The following AXDND1 variants were observed in gnomAD, a reference collection of about 807,000 sequenced individuals.
AXDND1 encodes axonemal dynein light chain domain containing 1.
Under a neutral mutation model 137.5 loss-of-function variants are expected in AXDND1, and 110 were observed. The observed-to-expected ratio is 0.80, with a 90% CI of 0.69 to 0.94. The LOEUF (loss-of-function observed/expected upper bound fraction) is 0.94, where lower values mean the gene tolerates loss of function less well. Among genes scored for constraint, AXDND1 ranks in the 40% least tolerant of loss-of-function variants. The pLI is 0.00. For synonymous variants in AXDND1, 414 were observed against 399.7 expected, an observed-to-expected ratio of 1.04 and a Z score of -0.43; for missense variants, 1,191 against 1,169.8, an observed-to-expected ratio of 1.02 and a Z score of -0.26.
intron 17 of AXDND1, among the ~76,000 whole-genome samples, chr1:179,480,998 T>A (rs1665303642): frequency 6.6e-6 from 1 of 151,488 alleles, no homozygotes; most frequent in Admixed American, 6.6e-5. Context: ...ATTTTTTTAA[T>A]TATACTTTAA....
chr1:179,516,582 G>C (rs1669560774), intron 21 of AXDND1, among the ~76,000 whole-genome samples: 1 of 152,184 alleles, frequency 6.6e-6, no homozygotes, highest in East Asian at 1.9e-4. Context: ...ATTTGGGTAG[G>C]CTCTGTCAGA....
intron 13 of AXDND1, among the ~76,000 whole-genome samples, 192 bp downstream of exon 13, chr1:179,429,811 G>A (rs1025814433): frequency 1.1e-4 from 17 of 151,466 alleles, no homozygotes; most frequent in Middle Eastern, 3.2e-3. Context: ...TCTAATTAAA[G>A]CAATTTATTT....
At chr1:179,412,295 C>T (rs916510940) in intron 12 of AXDND1, among the ~76,000 whole-genome samples, 7 of 152,110 alleles carry the variant, frequency 4.6e-5, no homozygotes, top group African/African-American at 1.4e-4. Flanking sequence ...TGTTGGTTGC[C>T]TATTCTGACA....
chr1:179,377,599 A>C (rs1647489382), intron 4 of AXDND1, among the ~76,000 whole-genome samples: 1 of 152,044 alleles, frequency 6.6e-6, no homozygotes, highest in African/African-American at 2.4e-5. Context: ...ACTTTTCTGT[A>C]TTTTGTTTTA....
chr1:179,504,818 G>A (rs536589364), intron 20 of AXDND1, among the ~76,000 whole-genome samples: 1 of 152,152 alleles, frequency 6.6e-6, no homozygotes, highest in Non-Finnish European at 1.5e-5. Context: ...AACTGGGGGA[G>A]TCTTATCAGA....
At chr1:179,439,544 G>A (rs1658681671) in intron 15 of AXDND1, among the ~76,000 whole-genome samples, 1 of 152,166 alleles carries the variant, frequency 6.6e-6, no homozygotes, top group African/African-American at 2.4e-5. Context: ...ACTGCTGGGG[G>A]ATTGGGAACA....
rs1369301638 is a variant in AXDND1, at chr1:179,378,701, C to A, written c.439C>A (p.Pro147Thr). Reference protein sequence around the residue: ...KGQTREKAVCPPHLARSLQSH... With the variant: ...KGQTREKAVCTPHLARSLQSH... ...ACAGACTAGGGAGAAGGCAGTTTGTCCCCCACATTTGGCCCGTTCATTACA... is the reference window on the plus strand; with the variant it reads ...ACAGACTAGGGAGAAGGCAGTTTGTACCCCACATTTGGCCCGTTCATTACA... Residue 147 changes from proline to threonine, a missense_variant, in exon 5 of 26, where the codon CCC becomes ACC. Transcript: ENST00000367618. 5 of 1,597,334 alleles carry A rather than the reference C, an allele frequency of 3.1e-6. No homozygotes were observed. The highest frequency in any genetic ancestry group is 3.4e-5 in the Admixed American group (2 of 59,144).
chr1:179,504,275 T>C (rs1371975095), intron 20 of AXDND1, among the ~76,000 whole-genome samples: 16 of 152,186 alleles, frequency 1.1e-4, no homozygotes, highest in Admixed American at 1.0e-3. Context: ...ACTATACATC[T>C]AGAAATGTGT....
chr1:179,492,845 C>T lies in AXDND1; in HGVS notation c.2292-10C>T. ...TCTTTTTCTTTTTCTTTTTTTCCCCCTTTTTGCAGTTGTTGCAAAGGGATG... is the reference window on the plus strand; with the variant it reads ...TCTTTTTCTTTTTCTTTTTTTCCCCTTTTTTGCAGTTGTTGCAAAGGGATG... On this transcript the variant is annotated splice_polypyrimidine_tract_variant and intron_variant, in intron 19 of 25. Coordinates refer to ENST00000367618, the MANE Select transcript of AXDND1 (RefSeq NM_144696.6). 6.4e-7 allele frequency: 1 copy of T among 1,574,446 alleles called. No individual in the cohort carries two copies. Among genetic ancestry groups the T allele is most frequent in the Non-Finnish European group, 8.6e-7 (1 of 1,159,904 alleles).
At chr1:179,442,483 A>G (rs1571853476) in intron 15 of AXDND1, among the ~76,000 whole-genome samples, 1 of 152,204 alleles carries the variant, frequency 6.6e-6, no homozygotes, top group African/African-American at 2.4e-5. Flanking sequence ...TGTGGAAACC[A>G]TGGGTTATGC....
At chr1:179,459,789 TTC>T (rs1031903891) in intron 16 of AXDND1, among the ~76,000 whole-genome samples, 15 of 150,250 alleles carry the variant, frequency 1.0e-4, no homozygotes, top group African/African-American at 2.4e-4. Flanking sequence ...TTTATTTTCT[TTC>T]TCTCTCTCTT....
intron 19 of AXDND1, among the ~76,000 whole-genome samples, 159 bp from the exon 20 acceptor site, chr1:179,492,696 A>T (rs1249475990): frequency 6.6e-6 from 1 of 152,330 alleles, no homozygotes; most frequent in Non-Finnish European, 1.5e-5. Context: ...GAGACAAATT[A>T]TTCTCCTTGG....
At chr1:179,536,302 G>A (rs576787549) in intron 25 of AXDND1, among the ~76,000 whole-genome samples, 42 of 152,272 alleles carry the variant, frequency 2.8e-4, no homozygotes, top group African/African-American at 9.4e-4. Flanking sequence ...TATGTCCTGA[G>A]TGGTATTGCC....
At chr1:179,472,061 A>C (rs1019573770) in intron 17 of AXDND1, among the ~76,000 whole-genome samples, 1 of 151,742 alleles carries the variant, frequency 6.6e-6, no homozygotes, top group African/African-American at 2.4e-5. Context: ...CGCCTGGCTA[A>C]TTTTTTTGTA....
At chr1:179,473,942 G>A (rs1464807090) in intron 17 of AXDND1, among the ~76,000 whole-genome samples, 1 of 152,102 alleles carries the variant, frequency 6.6e-6, no homozygotes, top group Non-Finnish European at 1.5e-5. Context: ...ACCTAGTCTT[G>A]GCTGGGTGTG....
intron 25 of AXDND1, among the ~76,000 whole-genome samples, chr1:179,536,186 C>G (rs1671540173): frequency 6.6e-6 from 1 of 152,128 alleles, no homozygotes; most frequent in African/African-American, 2.4e-5. Flanking sequence ...CTGATAGTTT[C>G]TTTTGCTGTG....
chr1:179,381,430 GC>G (rs1648293327), intron 6 of AXDND1, among the ~76,000 whole-genome samples: 2 of 146,410 alleles, frequency 1.4e-5, no homozygotes, highest in African/African-American at 5.1e-5. Flanking sequence ...TGCAACCTCC[GC>G]CCCTTGGGTT....
chr1:179,504,071 G>C (rs887707068), intron 20 of AXDND1, among the ~76,000 whole-genome samples: 3 of 152,112 alleles, frequency 2.0e-5, no homozygotes, highest in Non-Finnish European at 4.4e-5. Context: ...AAAACACCAT[G>C]AACATTTAGG....
intron 4 of AXDND1, among the ~76,000 whole-genome samples, chr1:179,375,181 C>T (rs924760457): frequency 5.9e-5 from 9 of 151,956 alleles, no homozygotes; most frequent in African/African-American, 2.2e-4. Context: ...TCACTGCAAC[C>T]TCTGCCTCCC....
Sources: gnomAD v4.1 joint callset for allele counts (sites outside exome capture counted in the v4.1 genomes callset) on GRCh38, gnomAD v4.1.1 for gene constraint, MANE v1.5 for transcripts, NCBI Gene and HGNC (gene_info 2026-07-23, HGNC 2026-07-21) for gene names.